Variants in DOCK4 observed in about 807,000 individuals in gnomAD.
DOCK4 encodes dedicator of cytokinesis protein 4.
DOCK4 carries 97 observed loss-of-function variants against 268.1 expected under a neutral mutation model. That is an observed-to-expected ratio of 0.36 (90% confidence interval 0.31 to 0.43). The LOEUF (loss-of-function observed/expected upper bound fraction) is 0.43, where lower values mean the gene tolerates loss of function less well. DOCK4 is among the 20% of genes least tolerant of loss of function. The pLI is 1.00. For missense variants in DOCK4, 2,145 were observed against 2,455.7 expected, an observed-to-expected ratio of 0.87 and a Z score of 2.67; for synonymous variants, 954 against 887.2, an observed-to-expected ratio of 1.08 and a Z score of -1.34.
intron 1 of DOCK4, among the ~76,000 whole-genome samples, chr7:112,200,996 A>G (rs1263297343): frequency 6.6e-6 from 1 of 152,106 alleles, no homozygotes; most frequent in Non-Finnish European, 1.5e-5. Context: ...TCTAAATGTC[A>G]CAAACAATTC....
At position 112,063,746 on chromosome 7, in the gene DOCK4, AT is replaced by A. The variant is rs1186030337; in HGVS notation, c.38-59616del. 2.6e-5 allele frequency among the ~76,000 whole-genome samples: 4 copies of A among 152,272 alleles called. No individual in the cohort carries two copies. The East Asian group carries it at 7.7e-4, about 29-fold the overall frequency. Reference sequence around the variant, plus strand: ...TTCCAATTTAGGGTCTTTGTATCTTATTTGTACCCCTCAAAGATGTAAAAGA... The same window carrying A: ...TTCCAATTTAGGGTCTTTGTATCTTATTGTACCCCTCAAAGATGTAAAAGA... On this transcript the variant is annotated intron_variant, in intron 1 of 52. Transcript: ENST00000428084.
intron 1 of DOCK4, among the ~76,000 whole-genome samples, chr7:112,163,551 G>A (rs1338727491): frequency 1.3e-5 from 2 of 152,098 alleles, no homozygotes; most frequent in African/African-American, 2.4e-5. Flanking sequence ...CACATTCCTG[G>A]CACAAGTGGC....
intron 35 of DOCK4, among the ~76,000 whole-genome samples, chr7:111,779,308 T>C (rs1798650146): frequency 6.6e-6 from 1 of 152,210 alleles, no homozygotes; most frequent in African/African-American, 2.4e-5. Flanking sequence ...TTATTGAAAA[T>C]ATTTTGTTTC....
chr7:111,894,348 A>G (rs982307076), intron 16 of DOCK4, among the ~76,000 whole-genome samples: 2 of 152,192 alleles, frequency 1.3e-5, no homozygotes, highest in African/African-American at 2.4e-5. Context: ...TTCACTGAAC[A>G]TCTATCACAG....
chr7:112,014,609 T>C (rs750132599), intron 1 of DOCK4, among the ~76,000 whole-genome samples: 1 of 152,210 alleles, frequency 6.6e-6, no homozygotes, highest in Non-Finnish European at 1.5e-5. Flanking sequence ...CTGTGTTTTA[T>C]ATTGCCAGAG....
intron 52 of DOCK4, 97 bp from the exon 53 acceptor site, chr7:111,728,817 C>A (rs941210167): frequency 1.6e-5 from 20 of 1,232,976 alleles, no homozygotes; most frequent in Non-Finnish European, 2.1e-5. Flanking sequence ...CCCCGGCCCC[C>A]AGCACCCCCA....
intron 1 of DOCK4, among the ~76,000 whole-genome samples, chr7:112,027,060 A>G (rs1802862306): frequency 6.6e-6 from 1 of 152,204 alleles, no homozygotes; most frequent in Non-Finnish European, 1.5e-5. Context: ...ATCATTTGGG[A>G]CAACTATTAA....
chr7:112,056,994 A>G (rs1026617723), intron 1 of DOCK4, among the ~76,000 whole-genome samples: 1 of 152,192 alleles, frequency 6.6e-6, no homozygotes, highest in South Asian at 2.1e-4. Flanking sequence ...AAAATTCTTC[A>G]AACTGTATAC....
chr7:111,913,984 C>T (rs1382296157), intron 13 of DOCK4, among the ~76,000 whole-genome samples: 2 of 152,104 alleles, frequency 1.3e-5, no homozygotes, highest in Admixed American at 6.5e-5. Flanking sequence ...CAGGTACTTG[C>T]TATTAGTGCA....
intron 10 of DOCK4, among the ~76,000 whole-genome samples, chr7:111,940,478 T>C (rs1456566887): frequency 6.6e-6 from 1 of 152,146 alleles, no homozygotes; most frequent in Admixed American, 6.5e-5. Flanking sequence ...ATCTGTAAAA[T>C]ACAAAGACTG....
chr7:111,839,642 AT>A (rs927691588), intron 25 of DOCK4, among the ~76,000 whole-genome samples: 5 of 152,170 alleles, frequency 3.3e-5, no homozygotes, highest in African/African-American at 1.2e-4. Flanking sequence ...TCCCTTGGGC[AT>A]TTATGATGAT....
At chr7:111,940,916 T>G (rs915851331) in intron 10 of DOCK4, among the ~76,000 whole-genome samples, 7 of 152,206 alleles carry the variant, frequency 4.6e-5, no homozygotes, top group African/African-American at 1.4e-4. Context: ...TATAACAAGT[T>G]AATGTGGGAA....
intron 1 of DOCK4, among the ~76,000 whole-genome samples, chr7:112,166,231 A>C (rs914427476): frequency 1.3e-5 from 2 of 152,196 alleles, no homozygotes; most frequent in Non-Finnish European, 2.9e-5. Flanking sequence ...TAAAGAATAA[A>C]GAAAAAACTG....
intron 8 of DOCK4, chr7:111,971,863 C>A: frequency 3.8e-6 from 1 of 259,832 alleles, no homozygotes; most frequent in South Asian, 5.0e-5. Flanking sequence ...CAGGGAGGTC[C>A]CTTTTGGGCT....
rs1366296567 is a variant in DOCK4 at position 111,746,339 on chromosome 7, C to T, written c.4672G>A (p.Glu1558Lys). 1 of 1,612,218 alleles carries T rather than the reference C, an allele frequency of 6.2e-7. No individual in the cohort carries two copies. The highest frequency in any genetic ancestry group is 8.5e-7 in the Non-Finnish European group (1 of 1,179,218). Reference protein sequence around the residue: ...KIARLRELMLEQAQILEFGLA... With the variant: ...KIARLRELMLKQAQILEFGLA... ...TTGGCTTCTGCTTCCCTTACCTGCTCAAGCATCAGCTCTCTTAATCGTGCA... is the reference window on the plus strand; with the variant it reads ...TTGGCTTCTGCTTCCCTTACCTGCTTAAGCATCAGCTCTCTTAATCGTGCA... The change falls in exon 44 of 53, where the codon GAG becomes AAG. Residue 1558 changes from glutamate (E) to lysine (K), a missense_variant. This residue lies in a region of DOCK4 where 1,598 missense variants were observed against 1,986.7 expected (regional missense o/e 0.80). Coordinates refer to ENST00000428084, the MANE Select transcript of DOCK4 (RefSeq NM_001363540.2).
chr7:111,802,755 T>C (rs1341197858), intron 30 of DOCK4, among the ~76,000 whole-genome samples: 1 of 152,068 alleles, frequency 6.6e-6, no homozygotes, highest in Admixed American at 6.6e-5. Flanking sequence ...ATATGAAAAA[T>C]TTCAAACGCA....
intron 1 of DOCK4, among the ~76,000 whole-genome samples, chr7:112,077,000 A>G (rs1449046986): frequency 2.6e-5 from 4 of 152,150 alleles, no homozygotes; most frequent in African/African-American, 7.2e-5. Context: ...TAGTAAGTAG[A>G]GTACTTAGAC....
intron 1 of DOCK4, among the ~76,000 whole-genome samples, chr7:112,074,352 T>C (rs1807871444): frequency 6.6e-6 from 1 of 152,150 alleles, no homozygotes; most frequent in Non-Finnish European, 1.5e-5. Context: ...GAACTGGAAA[T>C]AAATAACACA....
chr7:112,081,215 AAGGAAGT>A (rs1808553689), intron 1 of DOCK4, among the ~76,000 whole-genome samples: 1 of 152,142 alleles, frequency 6.6e-6, no homozygotes, highest in South Asian at 2.1e-4. Flanking sequence ...TGGGCAATTC[AAGGAAGT>A]AGTGAGGTTT....
Sources: allele counts gnomAD v4.1 joint callset (sites outside exome capture counted in the v4.1 genomes callset), GRCh38; gene constraint gnomAD v4.1.1; regional missense constraint gnomAD v4.1.1; transcripts MANE v1.5; gene names NCBI Gene and HGNC (gene_info 2026-07-23, HGNC 2026-07-21).